MTHFD1L: variants seen among roughly 807,000 people sequenced by gnomAD.
MTHFD1L encodes methylenetetrahydrofolate dehydrogenase (NADP+ dependent) 1 like.
In MTHFD1L, 81 loss-of-function variants were observed where a neutral mutation model predicts 119.5. The observed-to-expected ratio is 0.68, with a 90% CI of 0.57 to 0.82. The LOEUF (loss-of-function observed/expected upper bound fraction) is 0.82, where lower values mean the gene tolerates loss of function less well. Among genes scored for constraint, MTHFD1L ranks in the 40% least tolerant of loss-of-function variants. The pLI is 0.00. For synonymous variants in MTHFD1L, 430 were observed against 475.2 expected (o/e 0.90, Z 1.24); for missense variants, 1,125 against 1,253.4 (o/e 0.90, Z 1.55).
intron 20 of MTHFD1L, among the ~76,000 whole-genome samples, chr6:150,980,301 C>A (rs943110822): frequency 1.3e-5 from 2 of 152,154 alleles, no homozygotes; most frequent in Non-Finnish European, 2.9e-5. Flanking sequence ...CCAGAGCTCT[C>A]ATTTCTCCTG....
intron 20 of MTHFD1L, among the ~76,000 whole-genome samples, chr6:150,982,952 G>A (rs1026867879): frequency 6.6e-6 from 1 of 152,122 alleles, no homozygotes; most frequent in Non-Finnish European, 1.5e-5. Context: ...CACCCACCTT[G>A]GCCTCCCAAA....
At chr6:151,089,269 C>G (rs751409014) in intron 26 of MTHFD1L, among the ~76,000 whole-genome samples, 10 of 152,166 alleles carry the variant, frequency 6.6e-5, no homozygotes, top group Non-Finnish European at 1.3e-4. Context: ...TGTTCTTTTC[C>G]AAATCCATAG....
chr6:151,022,074 C>A (rs1163254129), intron 24 of MTHFD1L: 1 of 471,110 alleles, frequency 2.1e-6, no homozygotes, highest in Admixed American at 2.3e-5. Flanking sequence ...AAGAGCAAAA[C>A]AAACCACGAA....
intron 7 of MTHFD1L, among the ~76,000 whole-genome samples, chr6:150,898,696 C>G (rs1784643627): frequency 6.6e-6 from 1 of 152,046 alleles, no homozygotes. Flanking sequence ...CTAAAGGAAC[C>G]AAAATGAGGT....
At chr6:151,047,697 A>G (rs1788312617) in intron 26 of MTHFD1L, among the ~76,000 whole-genome samples, 2 of 152,166 alleles carry the variant, frequency 1.3e-5, no homozygotes, top group Admixed American at 1.3e-4. Context: ...TGTAGGACCC[A>G]TGAAAGTTAC....
At chr6:151,067,873 C>T (rs1791507106) in intron 26 of MTHFD1L, among the ~76,000 whole-genome samples, 1 of 152,212 alleles carries the variant, frequency 6.6e-6, no homozygotes, top group Non-Finnish European at 1.5e-5. Flanking sequence ...CTTCCCCTGC[C>T]GATGTCATGG....
chr6:151,069,989 C>T (rs78008721), intron 26 of MTHFD1L, among the ~76,000 whole-genome samples: 3,279 of 152,250 alleles, frequency 0.022, 104 homozygotes, highest in South Asian at 0.12. Context: ...GACTCTTCAT[C>T]GGCAAGGTGT....
intron 20 of MTHFD1L, among the ~76,000 whole-genome samples, chr6:150,980,615 T>C (rs1363630965): frequency 1.3e-5 from 2 of 151,034 alleles, no homozygotes; most frequent in African/African-American, 2.4e-5. Flanking sequence ...TGGTGGCGCA[T>C]GCCTATAGTC....
At chr6:150,938,460 T>C (rs776427205) in intron 12 of MTHFD1L, among the ~76,000 whole-genome samples, 2 of 152,218 alleles carry the variant, frequency 1.3e-5, no homozygotes, top group Non-Finnish European at 2.9e-5. Context: ...TGACATCTGC[T>C]CTATTTTTAC....
At chr6:151,013,027 G>A (rs1782529475) in intron 21 of MTHFD1L, among the ~76,000 whole-genome samples, 1 of 152,128 alleles carries the variant, frequency 6.6e-6, no homozygotes. Flanking sequence ...ACAGAAACAC[G>A]CAAAATAATG....
chr6:151,085,493 G>C (rs1179175659), intron 26 of MTHFD1L, among the ~76,000 whole-genome samples: 1 of 151,986 alleles, frequency 6.6e-6, no homozygotes, highest in Non-Finnish European at 1.5e-5. Flanking sequence ...TTTTTTGGCC[G>C]GGCGCGTTGT....
intron 12 of MTHFD1L, among the ~76,000 whole-genome samples, chr6:150,938,162 C>T (rs1792443257): frequency 1.3e-5 from 2 of 152,184 alleles, no homozygotes; most frequent in Non-Finnish European, 2.9e-5. Context: ...GGATTACAGG[C>T]ACCCGCCACC....
intron 24 of MTHFD1L, among the ~76,000 whole-genome samples, chr6:151,030,550 AT>A (rs1415497473): frequency 1.1e-4 from 16 of 152,238 alleles, no homozygotes; most frequent in Admixed American, 1.0e-3. Context: ...AGGAGCTCGC[AT>A]TAGTTTCAGT....
At chr6:150,869,563 G>A (rs1779046756) in intron 1 of MTHFD1L, among the ~76,000 whole-genome samples, 1 of 152,198 alleles carries the variant, frequency 6.6e-6, no homozygotes, top group African/African-American at 2.4e-5. Flanking sequence ...CACTATGTTG[G>A]CCAGGCTGGT....
intron 9 of MTHFD1L, among the ~76,000 whole-genome samples, 155 bp from the exon 10 acceptor site, chr6:150,922,050 C>T (rs924331676): frequency 8.5e-5 from 13 of 152,184 alleles, no homozygotes; most frequent in African/African-American, 3.1e-4. Context: ...AACCTAGTTA[C>T]ACGTGAATAA....
At chr6:150,984,761 T>A (rs934947564) in intron 20 of MTHFD1L, among the ~76,000 whole-genome samples, 2 of 152,246 alleles carry the variant, frequency 1.3e-5, no homozygotes, top group Non-Finnish European at 2.9e-5. Flanking sequence ...ATGGTACTAA[T>A]ACATCTTACA....
chr6:151,052,673 G>A (rs929824386), intron 26 of MTHFD1L, among the ~76,000 whole-genome samples: 3 of 152,100 alleles, frequency 2.0e-5, no homozygotes, highest in African/African-American at 7.2e-5. Flanking sequence ...AGGAACCAAG[G>A]GAATAAGGGG....
At chr6:150,956,210 A>G in intron 17 of MTHFD1L, 139 bp downstream of exon 17, 1 of 752,224 alleles carries the variant, frequency 1.3e-6, no homozygotes, top group Non-Finnish European at 2.3e-6. Context: ...GGTGCTCAGC[A>G]GGGCTGGGAG....
rs574424856 is a variant in MTHFD1L at position 151,036,589 on chromosome 6, G to A, written c.2695-376G>A. On this transcript the variant is annotated intron_variant, in intron 25 of 27. Coordinates refer to ENST00000367321, the MANE Select transcript of MTHFD1L (RefSeq NM_015440.5). Reference sequence around the variant, plus strand: ...AGTGAACAACATGAGTAAGAGCCTCGTCGCAGAGCCTTTCTCCAGACTACC... The same window carrying A: ...AGTGAACAACATGAGTAAGAGCCTCATCGCAGAGCCTTTCTCCAGACTACC... Among the ~76,000 whole-genome samples the A allele has an allele frequency of 4.2e-3, 638 of 152,236 alleles. 3 individuals are homozygous for A. Among genetic ancestry groups the A allele is most frequent in the Admixed American group, 8.0e-3 (123 of 15,292 alleles).
Sources: allele counts gnomAD v4.1 joint callset (sites outside exome capture counted in the v4.1 genomes callset), GRCh38; gene constraint gnomAD v4.1.1; transcripts MANE v1.5; gene names NCBI Gene and HGNC (gene_info 2026-07-23, HGNC 2026-07-21).